The following FMN1 variants were observed in gnomAD, a reference collection of about 807,000 sequenced individuals.
The protein encoded by FMN1 is formin 1.
FMN1 carries 110 observed loss-of-function variants against 132.4 expected under a neutral mutation model. The ratio of observed to expected loss-of-function variants is 0.83; its 90% CI spans 0.71 to 0.97. The LOEUF (loss-of-function observed/expected upper bound fraction) is 0.97. FMN1 is among the 50% of genes least tolerant of loss of function. The pLI is 0.00. For missense variants in FMN1, 1,792 were observed against 1,705.3 expected (o/e 1.05, Z -0.90); for synonymous variants, 722 against 651.7 (o/e 1.11, Z -1.64).
At chr15:32,798,173 A>AAAAC (rs2057350836) in intron 19 of FMN1, among the ~76,000 whole-genome samples, 1 of 114,232 alleles carries the variant, frequency 8.8e-6, no homozygotes, top group South Asian at 3.0e-4. Flanking sequence ...CTCTCTAAGG[A>AAAAC]AAACGCACAC....
At chr15:33,094,172 A>G (rs2038997601) in intron 4 of FMN1, among the ~76,000 whole-genome samples, 1 of 152,144 alleles carries the variant, frequency 6.6e-6, no homozygotes, top group Admixed American at 6.5e-5. Context: ...GACCTTTACT[A>G]ATTATTTGAC....
chr15:32,987,194 C>T (rs1171761031), intron 7 of FMN1, among the ~76,000 whole-genome samples: 1 of 152,044 alleles, frequency 6.6e-6, no homozygotes, highest in African/African-American at 2.4e-5. Context: ...AATACCTAAC[C>T]ATAAAGGTTA....
chr15:33,063,079 T>C (rs572393030), intron 6 of FMN1: 3 of 152,354 alleles, frequency 2.0e-5, no homozygotes, highest in Non-Finnish European at 4.4e-5. Flanking sequence ...GAAGTCTCTC[T>C]GCCCAGGGCC....
intron 7 of FMN1, among the ~76,000 whole-genome samples, chr15:32,992,237 T>C (rs1215566277): frequency 1.3e-4 from 20 of 152,214 alleles, no homozygotes; most frequent in Admixed American, 1.2e-3. Flanking sequence ...TTCTAGAACG[T>C]TGGAATTTTA....
At chr15:32,878,178 T>C (rs2059682532) in intron 16 of FMN1, among the ~76,000 whole-genome samples, 1 of 152,162 alleles carries the variant, frequency 6.6e-6, no homozygotes, top group African/African-American at 2.4e-5. Context: ...ACTACTGCAA[T>C]GATCCTAGAG....
At chr15:32,779,254 T>C (rs1370300802) in intron 19 of FMN1, among the ~76,000 whole-genome samples, 2 of 151,920 alleles carry the variant, frequency 1.3e-5, no homozygotes, top group African/African-American at 2.4e-5. Flanking sequence ...AACCACTGTG[T>C]AGTGAAGTGA....
intron 19 of FMN1, among the ~76,000 whole-genome samples, chr15:32,780,991 A>G (rs1473559012): frequency 6.6e-6 from 1 of 152,212 alleles, no homozygotes; most frequent in Non-Finnish European, 1.5e-5. Flanking sequence ...GGTTATTGCT[A>G]GAAAGATCTG....
At chr15:33,035,024 C>T (rs764163311) in intron 6 of FMN1, among the ~76,000 whole-genome samples, 10 of 152,196 alleles carry the variant, frequency 6.6e-5, no homozygotes, top group Admixed American at 2.0e-4. Flanking sequence ...GCAAAACCTA[C>T]GGACCCCTTT....
intron 4 of FMN1, among the ~76,000 whole-genome samples, chr15:33,140,553 C>T (rs1181273247): frequency 1.3e-5 from 2 of 152,166 alleles, no homozygotes; most frequent in East Asian, 3.8e-4. Context: ...ACATATGATT[C>T]CTGCCACCCA....
chr15:32,984,155 C>T (rs1356480767), intron 7 of FMN1, among the ~76,000 whole-genome samples: 1 of 152,082 alleles, frequency 6.6e-6, no homozygotes. Flanking sequence ...GAAAAAAAGA[C>T]CTACTACTAT....
intron 3 of FMN1, among the ~76,000 whole-genome samples, chr15:33,168,801 G>A (rs1221450617): frequency 1.3e-5 from 2 of 152,124 alleles, no homozygotes; most frequent in East Asian, 3.9e-4. Context: ...CTAACTAGCC[G>A]CTATTCCTTG....
At chr15:32,966,794 C>G (rs547849973) in intron 8 of FMN1, among the ~76,000 whole-genome samples, 1 of 152,186 alleles carries the variant, frequency 6.6e-6, no homozygotes, top group African/African-American at 2.4e-5. Flanking sequence ...TCTAGTTGCA[C>G]AAAATATTAA....
intron 4 of FMN1, among the ~76,000 whole-genome samples, chr15:33,141,309 T>C (rs1363437806): frequency 1.3e-5 from 2 of 152,208 alleles, no homozygotes; most frequent in East Asian, 1.9e-4. Flanking sequence ...CCACCTGAAA[T>C]AGATTTTTGT....
At position 33,073,336 on chromosome 15, in the gene FMN1, T is replaced by C. The variant is rs1595409515; in HGVS notation, c.2044-8262A>G. ...AATTGCTTCTAGCTTCCCAAAGTAG[T>C]TCAAATAGCTTCATGCGAAAACCGT... On this transcript the variant is annotated intron_variant, in intron 5 of 20. Coordinates refer to ENST00000616417, the MANE Select transcript of FMN1 (RefSeq NM_001277313.2). 3.3e-5 allele frequency among the ~76,000 whole-genome samples: 5 copies of C among 152,346 alleles called. No homozygotes were observed. In the South Asian group the frequency reaches 1.0e-3, roughly 32 times the overall value.
intron 6 of FMN1, among the ~76,000 whole-genome samples, chr15:33,050,423 CA>C (rs1397468299): frequency 6.6e-6 from 1 of 151,838 alleles, no homozygotes; most frequent in East Asian, 1.9e-4. Flanking sequence ...AAAGCTTCTT[CA>C]AATCAGTAAG....
intron 15 of FMN1, among the ~76,000 whole-genome samples, chr15:32,897,954 C>T (rs906955908): frequency 6.6e-6 from 1 of 152,170 alleles, no homozygotes; most frequent in Non-Finnish European, 1.5e-5. Flanking sequence ...CTACGATATT[C>T]TTAACAGAAA....
chr15:33,149,675 C>A (rs1436206181), intron 4 of FMN1: 10 of 524,670 alleles, frequency 1.9e-5, no homozygotes, highest in Non-Finnish European at 2.4e-5. Context: ...ATGGCTGATG[C>A]AATTTTTGAG....
At chr15:33,058,731 C>T (rs1339060378) in intron 6 of FMN1, among the ~76,000 whole-genome samples, 4 of 152,220 alleles carry the variant, frequency 2.6e-5, no homozygotes, top group Non-Finnish European at 5.9e-5. Flanking sequence ...CCACTCACTT[C>T]AGATCCCGTA....
chr15:32,994,968 A>T (rs1275955052), intron 7 of FMN1, among the ~76,000 whole-genome samples: 2 of 152,120 alleles, frequency 1.3e-5, no homozygotes, highest in Non-Finnish European at 2.9e-5. Flanking sequence ...ATAAAACTGG[A>T]ATGTGTTTCA....
Sources: gnomAD v4.1 joint callset for allele counts (sites outside exome capture counted in the v4.1 genomes callset) on GRCh38, gnomAD v4.1.1 for gene constraint, MANE v1.5 for transcripts, NCBI Gene and HGNC (gene_info 2026-07-23, HGNC 2026-07-21) for gene names.